The following DNAH9 variants were observed in gnomAD, a reference collection of about 807,000 sequenced individuals.
The protein encoded by DNAH9 is dynein axonemal heavy chain 9, also known as DNAH9 variant protein.
Under a neutral mutation model 471.6 loss-of-function variants are expected in DNAH9, and 345 were observed. That is an observed-to-expected ratio of 0.73 (90% CI 0.67 to 0.80). DNAH9 has a LOEUF of 0.80. Ranked by LOEUF, DNAH9 falls within the 30% of genes least tolerant of loss-of-function variation. The pLI is 0.00. For missense variants in DNAH9, 5,407 were observed against 5,609.2 expected, an observed-to-expected ratio of 0.96 and a Z score of 1.15; for synonymous variants, 2,093 against 2,123.6, an observed-to-expected ratio of 0.99 and a Z score of 0.40.
intron 11 of DNAH9, among the ~76,000 whole-genome samples, chr17:11,646,781 C>T (rs1362153661): frequency 6.6e-6 from 1 of 152,106 alleles, no homozygotes; most frequent in Admixed American, 6.5e-5. Flanking sequence ...GGCGTGGTGG[C>T]ACATGCCTGT....
At chr17:11,667,664 A>G (rs184384609) in intron 15 of DNAH9, among the ~76,000 whole-genome samples, 4 of 152,348 alleles carry the variant, frequency 2.6e-5, no homozygotes, top group Admixed American at 2.6e-4. Flanking sequence ...CTTCTGTCCT[A>G]TGGCTCCACC....
At chr17:11,762,910 G>T (rs1373463992) in intron 35 of DNAH9, among the ~76,000 whole-genome samples, 2 of 150,700 alleles carry the variant, frequency 1.3e-5, no homozygotes, top group Non-Finnish European at 2.9e-5. Flanking sequence ...CTCCCAAGTA[G>T]CTGGGAGTAC....
At chr17:11,741,427 G>C (rs1337859811) in intron 29 of DNAH9, among the ~76,000 whole-genome samples, 1 of 152,072 alleles carries the variant, frequency 6.6e-6, no homozygotes, top group Non-Finnish European at 1.5e-5. Flanking sequence ...GAAAGTAATG[G>C]CACAAACCGC....
intron 59 of DNAH9, among the ~76,000 whole-genome samples, chr17:11,901,197 C>T (rs1457660435): frequency 6.6e-6 from 1 of 151,922 alleles, no homozygotes; most frequent in African/African-American, 2.4e-5. Flanking sequence ...CCCTCCAGCA[C>T]CAAAAGAGAG....
At chr17:11,768,741 C>G in intron 37 of DNAH9, 115 bp downstream of exon 37, 1 of 1,281,748 alleles carries the variant, frequency 7.8e-7, no homozygotes, top group Non-Finnish European at 1.1e-6. Context: ...AGGAACTAGT[C>G]ATCCCCAGCT....
intron 49 of DNAH9, among the ~76,000 whole-genome samples, chr17:11,846,081 C>G (rs953727683): frequency 7.3e-5 from 11 of 150,972 alleles, no homozygotes; most frequent in Non-Finnish European, 7.4e-5. Context: ...CTTGCCCATG[C>G]CTATGTCCTG....
chr17:11,902,217 T>A (rs969647096), intron 59 of DNAH9, among the ~76,000 whole-genome samples: 1 of 152,220 alleles, frequency 6.6e-6, no homozygotes, highest in Non-Finnish European at 1.5e-5. Context: ...TACCAAGTTA[T>A]ACATTTGGAC....
chr17:11,658,716 G>A (rs1029209151), intron 14 of DNAH9, among the ~76,000 whole-genome samples: 3 of 151,918 alleles, frequency 2.0e-5, no homozygotes, highest in African/African-American at 7.3e-5. Context: ...ATTAAACATC[G>A]AATTTTATCA....
chr17:11,851,875 G>A (rs145040165), intron 49 of DNAH9, among the ~76,000 whole-genome samples: 136 of 152,132 alleles, frequency 8.9e-4, no homozygotes, highest in African/African-American at 2.8e-3. Context: ...GTTACTGTAC[G>A]TGGAAACATC....
At chr17:11,735,539 G>C (rs553950570) in intron 28 of DNAH9, among the ~76,000 whole-genome samples, 1 of 151,994 alleles carries the variant, frequency 6.6e-6, no homozygotes, top group Non-Finnish European at 1.5e-5. Flanking sequence ...AGGTTCAAGC[G>C]ATTCTCCTGC....
intron 27 of DNAH9, among the ~76,000 whole-genome samples, chr17:11,723,726 GGC>G (rs2075103217): frequency 6.6e-6 from 1 of 151,542 alleles, no homozygotes; most frequent in Non-Finnish European, 1.5e-5. Flanking sequence ...GGAGTGCAGT[GGC>G]ACGATCTCAG....
In DNAH9 at chr17:11,958,731, T is replaced by TAA. The variant is rs5819345; in HGVS notation, c.12844-3124_12844-3123dup. Reference sequence around the variant, plus strand: ...ATTTGCTGTGAAACTAAAACTGCCCTAAAAAAAAAAAAATAAAGTATATTA... The same window carrying TAA: ...ATTTGCTGTGAAACTAAAACTGCCCTAAAAAAAAAAAAAAATAAAGTATATTA... On this transcript the variant is annotated intron_variant, in intron 67 of 68. Transcript: ENST00000262442. Among the ~76,000 whole-genome samples the TAA allele has an allele frequency of 1.5e-3, 221 of 145,304 alleles. 1 individual carries two copies. Among genetic ancestry groups the TAA allele is most frequent in the East Asian group, 3.7e-3 (18 of 4,914 alleles).
chr17:11,683,953 C>T (rs2074186385), intron 19 of DNAH9, among the ~76,000 whole-genome samples: 1 of 152,096 alleles, frequency 6.6e-6, no homozygotes, highest in Admixed American at 6.5e-5. Flanking sequence ...GTTTTGTTTT[C>T]TTTCTTAGTT....
intron 48 of DNAH9, among the ~76,000 whole-genome samples, chr17:11,826,979 C>A (rs1222116722): frequency 6.6e-6 from 1 of 151,992 alleles, no homozygotes; most frequent in Non-Finnish European, 1.5e-5. Context: ...CACCCGCCAC[C>A]ATGCCCAGCT....
At chr17:11,725,840 C>G (rs2075141569) in intron 27 of DNAH9, among the ~76,000 whole-genome samples, 1 of 152,074 alleles carries the variant, frequency 6.6e-6, no homozygotes, top group African/African-American at 2.4e-5. Context: ...GCACTCCAGC[C>G]TGGGTGACAG....
intron 48 of DNAH9, among the ~76,000 whole-genome samples, chr17:11,823,659 C>T (rs1367768581): frequency 6.6e-6 from 1 of 152,148 alleles, no homozygotes; most frequent in Admixed American, 6.5e-5. Flanking sequence ...CGGCCGGGCA[C>T]GGTGGCTCAC....
Position 11,866,515 on chromosome 17 carries a change from G to C in DNAH9, c.9934-2619G>C, listed in dbSNP as rs1453315716. ...CAGTCTGCCCGTTCTCAGATCTCCA[G>C]CTGCATGCTGGGAGAACCACTGCTC... is the stretch of plus-strand genomic sequence containing the variant. On this transcript the variant is annotated intron_variant, in intron 50 of 68. Coordinates refer to ENST00000262442, the MANE Select transcript of DNAH9 (RefSeq NM_001372.4). Among the ~76,000 whole-genome samples, 7 of 152,028 alleles carry C rather than the reference G, an allele frequency of 4.6e-5. No individual in the cohort carries two copies. The South Asian group carries it at 1.0e-3, about 22-fold the overall frequency.
At chr17:11,702,069 T>C (rs1476537470) in intron 24 of DNAH9, among the ~76,000 whole-genome samples, 2 of 152,112 alleles carry the variant, frequency 1.3e-5, no homozygotes, top group East Asian at 3.9e-4. Context: ...CCTGAGCATA[T>C]GATATGAAAG....
At chr17:11,599,013 A>T in intron 1 of DNAH9, 98 bp downstream of exon 1, 2 of 1,003,920 alleles carry the variant, frequency 2.0e-6, no homozygotes, top group East Asian at 3.4e-5. Flanking sequence ...GGCGGGGCGA[A>T]GCTGCAGGGG....
Sources: allele counts gnomAD v4.1 joint callset (sites outside exome capture counted in the v4.1 genomes callset), GRCh38; gene constraint gnomAD v4.1.1; transcripts MANE v1.5; gene names NCBI Gene and HGNC (gene_info 2026-07-23, HGNC 2026-07-21).